LGR5: variants seen among roughly 807,000 people sequenced by gnomAD.
LGR5 encodes the protein leucine-rich repeat-containing G protein-coupled receptor 5.
In LGR5, 54 loss-of-function variants were observed where a neutral mutation model predicts 76.7. That is an observed-to-expected ratio of 0.70 (90% confidence interval 0.57 to 0.88). The LOEUF (loss-of-function observed/expected upper bound fraction) is 0.88. LGR5 is among the 40% of genes least tolerant of loss of function. LGR5 has a pLI of 0.00. For synonymous variants in LGR5, 406 were observed against 421.9 expected (o/e 0.96, Z 0.46); for missense variants, 1,078 against 1,073.3 (o/e 1.00, Z -0.06).
chr12:71,458,334 TGAGGTTG>T (rs1376990981), intron 1 of LGR5, among the ~76,000 whole-genome samples: 1 of 152,092 alleles, frequency 6.6e-6, no homozygotes, highest in Non-Finnish European at 1.5e-5. Flanking sequence ...AGGGCCTCTG[TGAGGTTG>T]GAGCTCAACA....
intron 1 of LGR5, among the ~76,000 whole-genome samples, chr12:71,466,589 A>G (rs1872872416): frequency 2.0e-5 from 3 of 152,188 alleles, no homozygotes; most frequent in Non-Finnish European, 2.9e-5. Flanking sequence ...ATTCTTCACG[A>G]TCATACTATT....
intron 4 of LGR5, 40 bp from the exon 5 acceptor site, chr12:71,553,033 C>T (rs1279487424): frequency 6.3e-7 from 1 of 1,585,678 alleles, no homozygotes; most frequent in Non-Finnish European, 8.7e-7. Context: ...TCTGCTTGGG[C>T]TTTGCTCTCT....
At position 71,561,805 on chromosome 12, in the gene LGR5, G is replaced by T; in HGVS notation, c.810G>T (p.Arg270Ser). The T allele has an allele frequency of 1.2e-6, 2 of 1,605,162 alleles. No homozygotes were observed. The highest frequency in any genetic ancestry group is 1.1e-5 in the South Asian group (1 of 90,188). The change falls in exon 8 of 18, where the codon AGG becomes AGT. Residue 270 changes from arginine to serine, a missense_variant. Coordinates refer to ENST00000266674, the MANE Select transcript of LGR5 (RefSeq NM_003667.4). ...GAGGATTTCATAGCAACAATATCAG[G>T]TCGATACCTGAGAAAGCATTTGTAG... ...KELGFHSNNI[R>S]SIPEKAFVGN...
rs192517434 is a variant in LGR5, at chr12:71,456,485, C to T, written c.212+16193C>T. 6.6e-4 allele frequency among the ~76,000 whole-genome samples: 101 copies of T among 152,150 alleles called. No homozygotes were observed. The East Asian group carries it at 0.011, about 16-fold the overall frequency. Reference sequence around the variant, plus strand: ...AAATGTTGCAGCTGCATTGTGATTCCGCTTGGTTGGTTTGTTAAAAGTCGG... The same window carrying T: ...AAATGTTGCAGCTGCATTGTGATTCTGCTTGGTTGGTTTGTTAAAAGTCGG... On this transcript the variant is annotated intron_variant, in intron 1 of 17. Transcript: ENST00000266674.
chr12:71,581,588 T>C (rs554123414), intron 16 of LGR5, among the ~76,000 whole-genome samples: 27 of 152,384 alleles, frequency 1.8e-4, no homozygotes, highest in African/African-American at 6.3e-4. Context: ...GTCCTTGCCT[T>C]TTTTGTTTTA....
chr12:71,446,477 C>T (rs1871998614), intron 1 of LGR5, among the ~76,000 whole-genome samples: 1 of 152,190 alleles, frequency 6.6e-6, no homozygotes, highest in Non-Finnish European at 1.5e-5. Context: ...AGTCAATACC[C>T]CCCTTGTGGT....
intron 1 of LGR5, among the ~76,000 whole-genome samples, chr12:71,449,922 A>C (rs1849609400): frequency 6.6e-6 from 1 of 152,228 alleles, no homozygotes; most frequent in Non-Finnish European, 1.5e-5. Flanking sequence ...TGATTGCTAG[A>C]GCATTACCCT....
chr12:71,583,073 T>C (rs1477752683), intron 17 of LGR5, among the ~76,000 whole-genome samples: 1 of 151,648 alleles, frequency 6.6e-6, no homozygotes, highest in Non-Finnish European at 1.5e-5. Flanking sequence ...GAAAGTGAAG[T>C]TGAATTCTTA....
At chr12:71,522,968 CCTT>C (rs1197577317) in intron 2 of LGR5, among the ~76,000 whole-genome samples, 1 of 152,084 alleles carries the variant, frequency 6.6e-6, no homozygotes, top group East Asian at 1.9e-4. Flanking sequence ...GGTCCTAGGA[CCTT>C]CTTATGTTGC....
chr12:71,546,975 T>A (rs757395187), intron 4 of LGR5, among the ~76,000 whole-genome samples: 2 of 152,146 alleles, frequency 1.3e-5, no homozygotes, highest in Admixed American at 6.5e-5. Context: ...ACTGGGACCG[T>A]AAGAGACAGT....
At chr12:71,529,921 A>C (rs992781115) in intron 3 of LGR5, among the ~76,000 whole-genome samples, 3 of 149,974 alleles carry the variant, frequency 2.0e-5, no homozygotes, top group Non-Finnish European at 4.4e-5. Flanking sequence ...GTGCTACTGC[A>C]CTCCAGCCTG....
chr12:71,545,028 T>C (rs561224076), intron 4 of LGR5, among the ~76,000 whole-genome samples: 1 of 152,182 alleles, frequency 6.6e-6, no homozygotes, highest in African/African-American at 2.4e-5. Context: ...ACCCAGCACT[T>C]TGGGAAGCCG....
chr12:71,565,422 C>CTATATATATATATA (rs1209363296), intron 8 of LGR5, among the ~76,000 whole-genome samples: 182 of 13,884 alleles, frequency 0.013, 1 homozygote, highest in Non-Finnish European at 0.068. Flanking sequence ...ATCAATTGAG[C>CTATATATATATATA]TATATATATA....
At chr12:71,510,566 G>A (rs1256257115) in intron 2 of LGR5, among the ~76,000 whole-genome samples, 2 of 151,892 alleles carry the variant, frequency 1.3e-5, no homozygotes, top group East Asian at 3.9e-4. Flanking sequence ...AAGAACATAA[G>A]AGCAAATACG....
intron 7 of LGR5, among the ~76,000 whole-genome samples, chr12:71,560,126 G>A (rs1213004919): frequency 3.9e-5 from 6 of 152,120 alleles, no homozygotes; most frequent in African/African-American, 4.8e-5. Context: ...TGAACAACTA[G>A]GGGTTAGGGA....
chr12:71,460,990 C>G (rs188406765), intron 1 of LGR5, among the ~76,000 whole-genome samples: 1 of 152,302 alleles, frequency 6.6e-6, no homozygotes, highest in Non-Finnish European at 1.5e-5. Flanking sequence ...CTGCTGAGAA[C>G]AGAACCATGA....
chr12:71,575,754 G>C (rs57204958), intron 13 of LGR5, among the ~76,000 whole-genome samples: 2 of 143,814 alleles, frequency 1.4e-5, no homozygotes, highest in South Asian at 4.4e-4. Context: ...GTGTGTGTGT[G>C]TGTGTATCAT....
chr12:71,548,712 G>A (rs1245129613), intron 4 of LGR5, among the ~76,000 whole-genome samples: 2 of 152,066 alleles, frequency 1.3e-5, no homozygotes, highest in East Asian at 3.9e-4. Flanking sequence ...TGTGAAAGCT[G>A]AGGTCTGTTG....
intron 1 of LGR5, among the ~76,000 whole-genome samples, chr12:71,478,847 A>G (rs1419387222): frequency 6.6e-6 from 1 of 152,214 alleles, no homozygotes. Context: ...TGCAAAAATA[A>G]CAAGAACTCG....
Sources: gnomAD v4.1 joint callset for allele counts (sites outside exome capture counted in the v4.1 genomes callset) on GRCh38, gnomAD v4.1.1 for gene constraint, MANE v1.5 for transcripts, NCBI Gene and HGNC (gene_info 2026-07-23, HGNC 2026-07-21) for gene names.